The following COL24A1 variants were observed in gnomAD, a reference collection of about 807,000 sequenced individuals.
The protein encoded by COL24A1 is collagen type XXIV alpha 1 chain.
Under a neutral mutation model 253.9 loss-of-function variants are expected in COL24A1, and 224 were observed. That is an observed-to-expected ratio of 0.88 (90% CI 0.79 to 0.99). The LOEUF is 0.99. COL24A1 is among the 50% of genes least tolerant of loss of function. COL24A1 has a pLI of 0.00. For missense variants in COL24A1, 2,131 were observed against 2,068.5 expected (o/e 1.03, Z -0.59); for synonymous variants, 685 against 673.7 (o/e 1.02, Z -0.26).
chr1:86,025,957 G>C (rs17414498), intron 14 of COL24A1, among the ~76,000 whole-genome samples: 13,206 of 152,136 alleles, frequency 0.087, 702 homozygotes, highest in Middle Eastern at 0.19. Flanking sequence ...TGAGATAACA[G>C]AAATTGCTCC....
At chr1:85,882,003 C>T (rs1031075102) in intron 32 of COL24A1, among the ~76,000 whole-genome samples, 10 of 152,134 alleles carry the variant, frequency 6.6e-5, no homozygotes, top group Admixed American at 2.0e-4. Context: ...CTGCATCCCA[C>T]GAATTTTGAC....
intron 47 of COL24A1, among the ~76,000 whole-genome samples, chr1:85,813,018 C>T (rs1672700620): frequency 6.6e-6 from 1 of 152,010 alleles, no homozygotes; most frequent in Non-Finnish European, 1.5e-5. Context: ...TGCTATTCTA[C>T]CAAAAGTTCT....
chr1:86,052,745 T>A (rs191777944), intron 10 of COL24A1, among the ~76,000 whole-genome samples: 2 of 152,074 alleles, frequency 1.3e-5, no homozygotes, highest in Non-Finnish European at 2.9e-5. Context: ...TTATGTTATA[T>A]ATATTTTATG....
At chr1:86,121,302 C>A (rs1647312506) in intron 3 of COL24A1, among the ~76,000 whole-genome samples, 1 of 151,412 alleles carries the variant, frequency 6.6e-6, no homozygotes, top group South Asian at 2.1e-4. Flanking sequence ...AAAAAAAATT[C>A]TACTCAGTAC....
chr1:85,797,323 A>G (rs980200032), intron 47 of COL24A1, among the ~76,000 whole-genome samples: 2 of 152,138 alleles, frequency 1.3e-5, no homozygotes, highest in African/African-American at 4.8e-5. Context: ...AGAAAGAAAG[A>G]CAACATCCAT....
chr1:85,894,542 T>C (rs7549790), intron 31 of COL24A1, among the ~76,000 whole-genome samples: 113,130 of 151,894 alleles, frequency 0.74, 42,191 homozygotes, highest in East Asian at 0.79. Context: ...TTTCTCTGGG[T>C]CTCATTTTTT....
chr1:86,019,825 C>G (rs368245981), intron 18 of COL24A1, among the ~76,000 whole-genome samples: 25 of 152,112 alleles, frequency 1.6e-4, no homozygotes, highest in African/African-American at 5.8e-4. Context: ...CTCACTGTCT[C>G]TTGCTCCCTG....
chr1:85,842,456 T>A (rs114965674), intron 39 of COL24A1, 63 bp from the exon 40 acceptor site: 16,745 of 1,082,402 alleles, frequency 0.015, 196 homozygotes, highest in Non-Finnish European at 0.019. Flanking sequence ...ATCATTAGAC[T>A]TCTACTCCTA....
At chr1:85,803,577 T>C (rs542795318) in intron 47 of COL24A1, among the ~76,000 whole-genome samples, 1 of 139,502 alleles carries the variant, frequency 7.2e-6, no homozygotes, top group South Asian at 2.6e-4. Flanking sequence ...TTTCAGGATA[T>C]AGGTTTGCAC....
intron 19 of COL24A1, among the ~76,000 whole-genome samples, chr1:86,003,079 T>C (rs1698744): frequency 0.18 from 26,979 of 152,166 alleles, 2,983 homozygotes; most frequent in African/African-American, 0.3. Flanking sequence ...AGATGCAGTA[T>C]GGAGCCTATG....
intron 12 of COL24A1, among the ~76,000 whole-genome samples, chr1:86,034,940 A>C (rs562517871): frequency 1.3e-5 from 2 of 152,302 alleles, no homozygotes; most frequent in African/African-American, 4.8e-5. Context: ...AACTAGGAAT[A>C]ACAAAAATAA....
At chr1:86,156,777 T>C (rs184552295), upstream of COL24A1, 168 of 161,128 alleles carry the variant, frequency 1.0e-3, 5 homozygotes, top group East Asian at 0.023. Flanking sequence ...TCCAGTGGAG[T>C]CCTCTGCTTT....
At chr1:86,014,908 C>CA (rs1227233999) in intron 19 of COL24A1, among the ~76,000 whole-genome samples, 1 of 152,088 alleles carries the variant, frequency 6.6e-6, no homozygotes, top group Non-Finnish European at 1.5e-5. Flanking sequence ...TGCTGCTTTG[C>CA]ATAAAGCACA....
At chr1:86,105,244 A>T (rs138266170) in intron 5 of COL24A1, among the ~76,000 whole-genome samples, 1 of 152,306 alleles carries the variant, frequency 6.6e-6, no homozygotes, top group African/African-American at 2.4e-5. Flanking sequence ...CTACAGTGCT[A>T]TGGCAGGGTT....
chr1:85,922,360 C>T (rs948210672), intron 24 of COL24A1, among the ~76,000 whole-genome samples: 4 of 152,034 alleles, frequency 2.6e-5, no homozygotes, highest in Non-Finnish European at 4.4e-5. Context: ...CCAAGACACA[C>T]AATTGTCAGA....
At chr1:85,992,417 T>C (rs1162097447) in intron 19 of COL24A1, among the ~76,000 whole-genome samples, 4 of 152,182 alleles carry the variant, frequency 2.6e-5, no homozygotes, top group Non-Finnish European at 5.9e-5. Flanking sequence ...TACTACCAAG[T>C]AGAGACCTTG....
intron 2 of COL24A1, among the ~76,000 whole-genome samples, chr1:86,137,359 T>C (rs1256371582): frequency 6.6e-6 from 1 of 152,176 alleles, no homozygotes; most frequent in Non-Finnish European, 1.5e-5. Context: ...CTTTAATATT[T>C]TAAGTCACAT....
intron 43 of COL24A1, among the ~76,000 whole-genome samples, chr1:85,830,214 T>C (rs1418838761): frequency 6.6e-6 from 1 of 151,854 alleles, no homozygotes; most frequent in African/African-American, 2.4e-5. Flanking sequence ...TGCTGGGGGG[T>C]GCCTCCCAGT....
rs145833174 is a variant in COL24A1 at position 86,085,208 on chromosome 1, C to T, written c.1707+3966G>A. 2.5e-3 allele frequency among the ~76,000 whole-genome samples: 374 copies of T among 152,162 alleles called. 11 individuals carry two copies. The East Asian group carries it at 0.046, about 19-fold the overall frequency. ...GTGACTGATAAGTCACAGTGCATTCCACTTGATGCTTTTGGTTGTTTATTC... is the reference window on the plus strand; with the variant it reads ...GTGACTGATAAGTCACAGTGCATTCTACTTGATGCTTTTGGTTGTTTATTC... On this transcript the variant is annotated intron_variant, in intron 7 of 59. Transcript: ENST00000370571.
Sources: gnomAD v4.1 joint callset for allele counts (sites outside exome capture counted in the v4.1 genomes callset) on GRCh38, gnomAD v4.1.1 for gene constraint, MANE v1.5 for transcripts, NCBI Gene and HGNC (gene_info 2026-07-23, HGNC 2026-07-21) for gene names.